ASIC2: variants seen among roughly 807,000 people sequenced by gnomAD.
ASIC2 encodes acid-sensing ion channel 2.
ASIC2 carries 25 observed loss-of-function variants against 57.3 expected under a neutral mutation model. The ratio of observed to expected loss-of-function variants is 0.44; its 90% confidence interval spans 0.32 to 0.61. The LOEUF is 0.61. Among genes scored for constraint, ASIC2 ranks in the 20% least tolerant of loss-of-function variants. The pLI, the probability that ASIC2 is intolerant of heterozygous loss-of-function variation, is 0.06. For synonymous variants in ASIC2, 319 were observed against 307.5 expected (o/e 1.04, Z -0.39); for missense variants, 641 against 738.1 (o/e 0.87, Z 1.52).
At chr17:33,132,559 A>T (rs539332473) in intron 1 of ASIC2, among the ~76,000 whole-genome samples, 10 of 152,302 alleles carry the variant, frequency 6.6e-5, no homozygotes, top group African/African-American at 2.2e-4. Context: ...GAGCACACAC[A>T]CACAGACTCA....
intron 1 of ASIC2, among the ~76,000 whole-genome samples, chr17:33,902,019 T>C (rs1310666610): frequency 6.6e-6 from 1 of 152,136 alleles, no homozygotes; most frequent in Non-Finnish European, 1.5e-5. Context: ...AGAAATGACA[T>C]GTCCCAGACT....
In ASIC2 at chr17:33,174,204, T is replaced by C. The variant is rs538062187; in HGVS notation, c.709-62137A>G. ...TGCGAGGCCAAGGCGAGTGGATTAC[T>C]TGAGGTCAGGAGTTTGAGACTAGCT... On this transcript the variant is annotated intron_variant, in intron 1 of 9. Coordinates refer to ENST00000225823, the MANE Select transcript of ASIC2 (RefSeq NM_183377.2). 1.8e-3 allele frequency among the ~76,000 whole-genome samples: 267 copies of C among 152,210 alleles called. 1 individual carries two copies. Among genetic ancestry groups the C allele is most frequent in the African/African-American group, 6.2e-3 (258 of 41,522 alleles).
intron 1 of ASIC2, among the ~76,000 whole-genome samples, chr17:33,254,323 C>A (rs1469534989): frequency 6.6e-6 from 1 of 152,232 alleles, no homozygotes; most frequent in Non-Finnish European, 1.5e-5. Context: ...ATACTGTCAC[C>A]AATGTGATCA....
chr17:34,114,872 C>T (rs984129002), intron 1 of ASIC2, among the ~76,000 whole-genome samples: 1 of 152,092 alleles, frequency 6.6e-6, no homozygotes, highest in Non-Finnish European at 1.5e-5. Context: ...ACAGTGAAGT[C>T]CAGCAGGTGC....
At chr17:33,426,556 A>T (rs1355249989) in intron 1 of ASIC2, among the ~76,000 whole-genome samples, 2 of 152,214 alleles carry the variant, frequency 1.3e-5, no homozygotes, top group African/African-American at 4.8e-5. Flanking sequence ...GATGGATACC[A>T]GGCATGAGTG....
intron 1 of ASIC2, among the ~76,000 whole-genome samples, chr17:34,018,044 T>C (rs1907029319): frequency 6.6e-6 from 1 of 152,216 alleles, no homozygotes; most frequent in Non-Finnish European, 1.5e-5. Flanking sequence ...AGACACCATC[T>C]AGGACTTCCA....
chr17:33,348,451 C>T (rs1908036983), intron 1 of ASIC2, among the ~76,000 whole-genome samples: 1 of 152,258 alleles, frequency 6.6e-6, no homozygotes, highest in Non-Finnish European at 1.5e-5. Context: ...AACATCTCCA[C>T]TCACGAGTTG....
chr17:33,250,956 T>C (rs2142131725), intron 1 of ASIC2, among the ~76,000 whole-genome samples: 1 of 152,378 alleles, frequency 6.6e-6, no homozygotes, highest in Non-Finnish European at 1.5e-5. Context: ...TTTATGTGTA[T>C]ACTTTATTTC....
At chr17:33,707,706 C>G (rs1261257614) in intron 1 of ASIC2, among the ~76,000 whole-genome samples, 1 of 152,188 alleles carries the variant, frequency 6.6e-6, no homozygotes, top group East Asian at 1.9e-4. Context: ...CTCTGTTTAT[C>G]TGCCTTTCAG....
intron 1 of ASIC2, among the ~76,000 whole-genome samples, chr17:33,693,547 G>A (rs998702774): frequency 6.6e-6 from 1 of 152,102 alleles, no homozygotes; most frequent in Non-Finnish European, 1.5e-5. Flanking sequence ...TGTAGTCAGG[G>A]GACAAAGCAG....
Position 33,292,422 on chromosome 17 carries a change from T to C in ASIC2, c.-307A>G. Reference sequence around the variant, plus strand: ...CTGGAGGATGCCCGGCGCCCGGCACTACTTCTGGAGGGGTCCCACTGGGAG... The same window carrying C: ...CTGGAGGATGCCCGGCGCCCGGCACCACTTCTGGAGGGGTCCCACTGGGAG... On this transcript the variant is annotated 5_prime_UTR_variant, in exon 1 of 10. Transcript: ENST00000225823. 1.2e-5 allele frequency: 12 copies of C among 985,474 alleles called. No individual in the cohort carries two copies. Among genetic ancestry groups the C allele is most frequent in the Non-Finnish European group, 1.4e-5 (12 of 830,172 alleles). The allele number at this position is 985,474 out of a possible 1,614,324, so 61.0% of individuals were successfully genotyped here. A position where few individuals can be genotyped will look rare whatever the true frequency, so the allele number is the denominator to read the frequency against.
At chr17:33,589,013 G>A (rs2142003805) in intron 1 of ASIC2, among the ~76,000 whole-genome samples, 1 of 152,318 alleles carries the variant, frequency 6.6e-6, no homozygotes, top group Middle Eastern at 3.4e-3. Flanking sequence ...TCACCACTGG[G>A]ATCACAGTTA....
chr17:33,616,172 C>A (rs1405702372), intron 1 of ASIC2, among the ~76,000 whole-genome samples: 2 of 146,558 alleles, frequency 1.4e-5, no homozygotes, highest in Non-Finnish European at 3.0e-5. Flanking sequence ...GTGGAACCAC[C>A]CCAGTTTTTC....
chr17:34,148,916 G>A (rs904801223), intron 1 of ASIC2, among the ~76,000 whole-genome samples: 15 of 152,240 alleles, frequency 9.9e-5, no homozygotes, highest in African/African-American at 3.4e-4. Flanking sequence ...TTGATTGGAT[G>A]TGTACTGTGG....
chr17:33,832,027 C>A (rs956966535), intron 1 of ASIC2, among the ~76,000 whole-genome samples: 3 of 152,224 alleles, frequency 2.0e-5, no homozygotes, highest in Middle Eastern at 3.4e-3. Flanking sequence ...AAAGAGAGGA[C>A]AAAAACCATC....
intron 1 of ASIC2, among the ~76,000 whole-genome samples, chr17:33,464,275 C>T (rs1349978741): frequency 1.3e-5 from 2 of 152,194 alleles, no homozygotes; most frequent in African/African-American, 4.8e-5. Flanking sequence ...TGAAGCCTCT[C>T]ACTAGTCCCA....
At chr17:34,152,084 C>T (rs1247996054) in intron 1 of ASIC2, among the ~76,000 whole-genome samples, 1 of 151,956 alleles carries the variant, frequency 6.6e-6, no homozygotes, top group Non-Finnish European at 1.5e-5. Context: ...TGCAAGAATT[C>T]CAAAGATGTG....
chr17:34,108,039 CCTTA>C (rs1015562346), intron 1 of ASIC2, among the ~76,000 whole-genome samples: 2 of 152,112 alleles, frequency 1.3e-5, no homozygotes, highest in Non-Finnish European at 2.9e-5. Context: ...GTGGCTATTT[CCTTA>C]CTTACCCTTT....
At chr17:33,898,200 G>C (rs1171190066) in intron 1 of ASIC2, among the ~76,000 whole-genome samples, 1 of 136,534 alleles carries the variant, frequency 7.3e-6, no homozygotes, top group Admixed American at 7.6e-5. Context: ...TACAAAAACT[G>C]CCCAGAGTTC....
Sources: allele counts gnomAD v4.1 joint callset (sites outside exome capture counted in the v4.1 genomes callset), GRCh38; gene constraint gnomAD v4.1.1; transcripts MANE v1.5; gene names NCBI Gene and HGNC (gene_info 2026-07-23, HGNC 2026-07-21).